HDC: variants seen among roughly 807,000 people sequenced by gnomAD.
HDC encodes histidine decarboxylase.
In HDC, 27 loss-of-function variants were observed where a neutral mutation model predicts 64.4. That is an observed-to-expected ratio of 0.42 (90% CI 0.31 to 0.58). HDC has a LOEUF of 0.58. Ranked by LOEUF, HDC falls within the 20% of genes least tolerant of loss-of-function variation. The probability of loss-of-function intolerance (pLI) is 0.16; values close to 1 mark genes in which losing one functional copy is unlikely to be tolerated. For synonymous variants in HDC, 305 were observed against 314.2 expected (o/e 0.97, Z 0.31); for missense variants, 711 against 833.9 (o/e 0.85, Z 1.81).
intron 2 of HDC, among the ~76,000 whole-genome samples, chr15:50,262,427 C>T (rs2045716012): frequency 6.6e-6 from 1 of 152,158 alleles, no homozygotes; most frequent in Non-Finnish European, 1.5e-5. Flanking sequence ...TGGCACATGG[C>T]AGGGAGCCCC....
At position 50,258,341 on chromosome 15, in the gene HDC, G is replaced by A. The variant is rs373905612; in HGVS notation, c.318+63C>T. On this transcript the variant is annotated intron_variant, in intron 3 of 11. Transcript: ENST00000267845. The stretch of plus-strand genomic sequence containing the variant: ...TCAGAAACCAAGACAAAATATGTCT[G>A]CCCTAGGATACCACTCCCTGCTACG... 2.0e-5 allele frequency: 17 copies of A among 860,874 alleles called. No homozygotes were observed. The African/African-American group carries it at 2.0e-4, about 10-fold the overall frequency. The allele number at this position is 860,874 out of a possible 1,614,324, so 53.3% of individuals were successfully genotyped here. A position where few individuals can be genotyped will look rare whatever the true frequency, so the allele number is the denominator to read the frequency against.
intron 2 of HDC, among the ~76,000 whole-genome samples, chr15:50,258,922 A>C (rs776934173): frequency 6.6e-6 from 1 of 152,002 alleles, no homozygotes; most frequent in South Asian, 2.1e-4. Flanking sequence ...GCACTTTGGG[A>C]GGCCGAGGCA....
chr15:50,250,791 A>G (rs1229342893), intron 9 of HDC, among the ~76,000 whole-genome samples: 1 of 152,242 alleles, frequency 6.6e-6, no homozygotes, highest in East Asian at 1.9e-4. Context: ...AGTGGAGATA[A>G]AGAACCATTA....
chr15:50,252,852 G>T, intron 7 of HDC, 78 bp from the exon 8 acceptor site: 1 of 1,423,266 alleles, frequency 7.0e-7, no homozygotes. Flanking sequence ...CAAGCTGAGT[G>T]GTGGGCTGCA....
In HDC at chr15:50,265,723, ACTC is replaced by A; in HGVS notation, c.-103_-101del. Reference sequence around the variant, plus strand: ...GGCTTCCCTCTTGCCAGTCCTGCGCACTCCCTGGCAGCCAGTGTGGGCCCTTTA... The same window carrying A: ...GGCTTCCCTCTTGCCAGTCCTGCGCACCTGGCAGCCAGTGTGGGCCCTTTA... On this transcript the variant is annotated 5_prime_UTR_variant, in exon 1 of 12. Transcript: ENST00000267845. 1 of 1,053,870 alleles carries A rather than the reference ACTC, an allele frequency of 9.5e-7. No homozygotes were observed. The highest frequency in any genetic ancestry group is 1.5e-6 in the Non-Finnish European group (1 of 678,584). The allele number at this position is 1,053,870 out of a possible 1,614,324, so 65.3% of individuals were successfully genotyped here. A position where few individuals can be genotyped will look rare whatever the true frequency, so the allele number is the denominator to read the frequency against.
At chr15:50,249,608 G>C (rs368913265) in intron 9 of HDC, among the ~76,000 whole-genome samples, 2 of 152,150 alleles carry the variant, frequency 1.3e-5, no homozygotes, top group Non-Finnish European at 2.9e-5. Context: ...CCAGCAGAAG[G>C]CATCAAAACC....
In HDC at chr15:50,242,552, G is replaced by A. The variant is rs747782099; in HGVS notation, c.1697C>T (p.Ser566Phe). 4 of 1,614,166 alleles carry A rather than the reference G, an allele frequency of 2.5e-6. No homozygotes were observed. Among genetic ancestry groups the A allele is most frequent in the Middle Eastern group, 1.6e-4 (1 of 6,062 alleles). Residue 566 changes from serine (S) to phenylalanine (F), a missense_variant, in exon 12 of 12, where the codon TCC becomes TTC. This residue lies in a region of HDC where 483 missense variants were observed against 540.9 expected (regional missense o/e 0.89). Coordinates refer to ENST00000267845, the MANE Select transcript of HDC (RefSeq NM_002112.4). ...AGACAAGTAACTGAACAGGAAGGAG[G>A]ACAGCTTGTGCTTGGTGGCATCTGG... ...EAPDATKHKL[S>F]SFLFSYLSVQ...
At chr15:50,251,997 C>A (rs531879263) in intron 9 of HDC, among the ~76,000 whole-genome samples, 1 of 151,994 alleles carries the variant, frequency 6.6e-6, no homozygotes, top group Admixed American at 6.5e-5. Context: ...TGCCCCACAG[C>A]GCCTCTGTCA....
chr15:50,260,046 G>T (rs931735700), intron 2 of HDC, among the ~76,000 whole-genome samples: 3 of 146,468 alleles, frequency 2.0e-5, no homozygotes, highest in Non-Finnish European at 3.0e-5. Flanking sequence ...TTTTGAGACA[G>T]ATTCTCGCAC....
At chr15:50,255,942 A>T (rs1032143249) in intron 4 of HDC, among the ~76,000 whole-genome samples, 1 of 152,240 alleles carries the variant, frequency 6.6e-6, no homozygotes, top group Non-Finnish European at 1.5e-5. Flanking sequence ...GAGGAGAGTG[A>T]TGCTCAGAGA....
At chr15:50,252,552 A>C (rs1595705475) in intron 8 of HDC, 32 bp from the exon 9 acceptor site, 1 of 1,613,952 alleles carries the variant, frequency 6.2e-7, no homozygotes, top group Non-Finnish European at 8.5e-7. Flanking sequence ...TTAGTGGCTG[A>C]GGTCTCTCCA....
chr15:50,254,689 G>A (rs796400305), intron 4 of HDC, 25 bp from the exon 5 acceptor site: 3 of 1,611,738 alleles, frequency 1.9e-6, no homozygotes, highest in South Asian at 2.2e-5. Context: ...GATTATCATG[G>A]CAGCCTTTCT....
At position 50,243,164 on chromosome 15, in the gene HDC, G is replaced by A. The variant is rs1248612012; in HGVS notation, c.1221C>T (p.Gly407=). 4.3e-6 allele frequency: 7 copies of A among 1,613,666 alleles called. No homozygotes were observed. Among genetic ancestry groups the A allele is most frequent in the Middle Eastern group, 1.6e-4 (1 of 6,084 alleles). Residue 407 remains glycine, a synonymous_variant, in exon 11 of 12, where the codon GGC becomes GGT. Transcript: ENST00000267845. ...SFEIPAKRHL[G]LVVFRLKGPN... Reference sequence around the variant, plus strand: ...TTACCTTTAGACGAAAAACCACCAGGCCAAGGTGCCTCTTGGCAGGAATTT... The same window carrying A: ...TTACCTTTAGACGAAAAACCACCAGACCAAGGTGCCTCTTGGCAGGAATTT...
rs1422060543 is a variant in HDC at position 50,254,556 on chromosome 15, G to A, written c.550C>T (p.Arg184Ter). Residue 184 changes from arginine (R) to a stop codon, truncating the protein, a stop_gained, in exon 5 of 12, where the codon CGA (arginine) becomes TGA (stop). Coordinates refer to ENST00000267845, the MANE Select transcript of HDC (RefSeq NM_002112.4). LOFTEE classifies it high-confidence loss of function. ...PDADESCLNA[R>*]LVAYASDQAH... ...TGGTCAGAGGCATAGGCCACGAGTCGGGCATTTAGGCAGGACTCATCAGCA... is the reference window on the plus strand; with the variant it reads ...TGGTCAGAGGCATAGGCCACGAGTCAGGCATTTAGGCAGGACTCATCAGCA... The A allele has an allele frequency of 1.2e-5, 20 of 1,614,062 alleles. No individual in the cohort carries two copies. Among genetic ancestry groups the A allele is most frequent in the Admixed American group, 1.7e-5 (1 of 60,002 alleles).
chr15:50,248,436 C>T lies in HDC; in HGVS notation c.1042-93G>A. The T allele has an allele frequency of 2.4e-6, 2 of 836,544 alleles. No homozygotes were observed. The highest frequency in any genetic ancestry group is 4.0e-6 in the Non-Finnish European group (2 of 496,044). 51.8% of individuals were successfully genotyped at this position (836,544 alleles called of 1,614,324 possible). The stretch of plus-strand genomic sequence containing the variant: ...GGCATTATCTGTTGCCTGCCCAGCC[C>T]TCCAGGGATGGACGATGTCACCATG... On this transcript the variant is annotated intron_variant, in intron 9 of 11. Transcript: ENST00000267845. This position sits in a 1 kb window ranked among gnomAD's most constrained non-coding sequence, Gnocchi z 4.3.
At chr15:50,249,405 C>CT (rs1218563524) in intron 9 of HDC, among the ~76,000 whole-genome samples, 2 of 152,216 alleles carry the variant, frequency 1.3e-5, no homozygotes, top group African/African-American at 4.8e-5. Context: ...GCGTATTTAT[C>CT]TGCCCATACA....
In HDC at chr15:50,254,281, G is replaced by A; in HGVS notation, c.577-8C>T. On this transcript the variant is annotated splice_polypyrimidine_tract_variant and splice_region_variant and intron_variant, in intron 5 of 11. Coordinates refer to ENST00000267845, the MANE Select transcript of HDC (RefSeq NM_002112.4). ...TTCCACAGAGGAGTGAGCCTAGAAGGGCCACAGAAACCTGTCAGCAAAGAG... is the reference window on the plus strand; with the variant it reads ...TTCCACAGAGGAGTGAGCCTAGAAGAGCCACAGAAACCTGTCAGCAAAGAG... 6.2e-7 allele frequency: 1 copy of A among 1,613,954 alleles called. No homozygotes were observed. Among genetic ancestry groups the A allele is most frequent in the Non-Finnish European group, 8.5e-7 (1 of 1,180,004 alleles).
At chr15:50,250,100 G>A (rs1708850088) in intron 9 of HDC, among the ~76,000 whole-genome samples, 2 of 152,186 alleles carry the variant, frequency 1.3e-5, no homozygotes. Flanking sequence ...GCAGAAAACA[G>A]GGAGCTTCTC....
intron 10 of HDC, among the ~76,000 whole-genome samples, chr15:50,247,512 G>A (rs571039464): frequency 5.3e-5 from 8 of 152,096 alleles, no homozygotes; most frequent in Admixed American, 2.0e-4. Context: ...ACACACATAG[G>A]CAGAAAGGAC....
Sources: allele counts gnomAD v4.1 joint callset (sites outside exome capture counted in the v4.1 genomes callset), GRCh38; gene constraint gnomAD v4.1.1; regional missense constraint gnomAD v4.1.1; non-coding constraint Gnocchi (gnomAD v3.1); transcripts MANE v1.5; gene names NCBI Gene and HGNC (gene_info 2026-07-23, HGNC 2026-07-21).